The following KAT7 variants were observed in gnomAD, a reference collection of about 807,000 sequenced individuals.
KAT7 encodes the protein lysine acetyltransferase 7, also known as histone acetyltransferase KAT7.
In KAT7, 10 loss-of-function variants were observed where a neutral mutation model predicts 82.1. That is an observed-to-expected ratio of 0.12 (90% confidence interval 0.08 to 0.21). KAT7 has a LOEUF of 0.21. Among genes scored for constraint, KAT7 ranks in the 10% least tolerant of loss-of-function variants. The probability of loss-of-function intolerance (pLI) is 1.00; values close to 1 mark genes in which losing one functional copy is unlikely to be tolerated. For missense variants in KAT7, 378 were observed against 760.9 expected (o/e 0.50, Z 5.92); for synonymous variants, 250 against 262.5 (o/e 0.95, Z 0.46).
intron 9 of KAT7, among the ~76,000 whole-genome samples, chr17:49,820,072 T>C (rs2074282764): frequency 6.6e-6 from 1 of 152,070 alleles, no homozygotes; most frequent in South Asian, 2.1e-4. Context: ...CTGGGCAAAA[T>C]AGTGAGACTC....
chr17:49,790,531 A>C (rs1284041478), intron 1 of KAT7, among the ~76,000 whole-genome samples: 2 of 152,110 alleles, frequency 1.3e-5, no homozygotes, highest in Non-Finnish European at 2.9e-5. Flanking sequence ...CAAATGCAGG[A>C]ATAATATTGG....
chr17:49,808,076 T>C (rs1168749804), intron 5 of KAT7, among the ~76,000 whole-genome samples: 1 of 151,908 alleles, frequency 6.6e-6, no homozygotes, highest in Non-Finnish European at 1.5e-5. Context: ...TGAGGTCATG[T>C]AACTACAGAA....
At chr17:49,812,791 C>T (rs145619470) in intron 7 of KAT7, among the ~76,000 whole-genome samples, 3,021 of 152,116 alleles carry the variant, frequency 0.02, 103 homozygotes, top group African/African-American at 0.068. Context: ...GTAACCTCTG[C>T]CTCCTGGGTT....
rs1026399546 is a variant in KAT7, at chr17:49,808,253, G to A, written c.664-866G>A. On this transcript the variant is annotated intron_variant, in intron 5 of 14. Coordinates refer to ENST00000259021, the MANE Select transcript of KAT7 (RefSeq NM_007067.5). ...TCTCATGCCTCAGCCTCAAGTAGCT[G>A]GGATTACAGGTGTGCGCCACCACGC... 4.0e-5 allele frequency among the ~76,000 whole-genome samples: 6 copies of A among 150,008 alleles called. No individual in the cohort carries two copies. The Admixed American group carries it at 4.0e-4, about 10-fold the overall frequency.
In KAT7 at chr17:49,832,807, A is replaced by G. The variant is rs2074435035; in HGVS notation, c.*5305A>G. On this transcript the variant is annotated 3_prime_UTR_variant, in exon 15 of 15. Coordinates refer to ENST00000259021, the MANE Select transcript of KAT7 (RefSeq NM_007067.5). ...GTCATGAGAATAAAATATGAAAACT[A>G]CTTTGCTGAATGATAGTATGTGATG... 1 of 152,220 alleles carries G rather than the reference A, an allele frequency of 6.6e-6. No homozygotes were observed. The highest frequency in any genetic ancestry group is 1.5e-5 in the Non-Finnish European group (1 of 68,054). 9.4% of individuals were successfully genotyped at this position (152,220 alleles called of 1,614,324 possible).
intron 8 of KAT7, among the ~76,000 whole-genome samples, chr17:49,817,074 T>A (rs1162763050): frequency 3.3e-5 from 5 of 152,184 alleles, no homozygotes; most frequent in African/African-American, 1.2e-4. Flanking sequence ...AAGTGACCAT[T>A]GTGGATATAT....
Position 49,833,536 on chromosome 17 carries a change from G to C in KAT7, c.*6034G>C, listed in dbSNP as rs2074440622. The C allele has an allele frequency of 6.6e-6, 1 of 152,206 alleles. No homozygotes were observed. Among genetic ancestry groups the C allele is most frequent in the Non-Finnish European group, 1.5e-5 (1 of 68,046 alleles). The allele number at this position is 152,206 out of a possible 1,614,324, so 9.4% of individuals were successfully genotyped here. On this transcript the variant is annotated 3_prime_UTR_variant, in exon 15 of 15. Coordinates refer to ENST00000259021, the MANE Select transcript of KAT7 (RefSeq NM_007067.5). ...GTTTTGACTAATAGGATATGGAAGT[G>C]ATATTTTGGCAGCTTCCACTTTTGC...
At chr17:49,793,415 G>A (rs73987386) in intron 2 of KAT7, among the ~76,000 whole-genome samples, 69 of 152,272 alleles carry the variant, frequency 4.5e-4, no homozygotes, top group African/African-American at 1.6e-3. Flanking sequence ...GGTTAGATTT[G>A]GAGGGTACCC....
Position 49,830,672 on chromosome 17 carries a change from G to A in KAT7, c.*3170G>A. 1 of 152,184 alleles carries A rather than the reference G, an allele frequency of 6.6e-6. No individual in the cohort carries two copies. The highest frequency in any genetic ancestry group is 1.5e-5 in the Non-Finnish European group (1 of 68,060). 9.4% of individuals were successfully genotyped at this position (152,184 alleles called of 1,614,324 possible). A position where few individuals can be genotyped will look rare whatever the true frequency, so the allele number is the denominator to read the frequency against. ...TTGACCCTCATATTAGCCCTGTACAGTAGATGGGTACACTGGTTTGCCAAA... is the reference window on the plus strand; with the variant it reads ...TTGACCCTCATATTAGCCCTGTACAATAGATGGGTACACTGGTTTGCCAAA... On this transcript the variant is annotated 3_prime_UTR_variant, in exon 15 of 15. Coordinates refer to ENST00000259021, the MANE Select transcript of KAT7 (RefSeq NM_007067.5).
intron 4 of KAT7, among the ~76,000 whole-genome samples, chr17:49,804,742 C>T (rs1480493808): frequency 1.3e-5 from 2 of 152,160 alleles, no homozygotes; most frequent in African/African-American, 2.4e-5. Flanking sequence ...CACTGCATTC[C>T]AGCCTAGGTG....
chr17:49,811,737 A>G (rs959645125), intron 7 of KAT7, among the ~76,000 whole-genome samples, 163 bp downstream of exon 7: 1 of 152,162 alleles, frequency 6.6e-6, no homozygotes, highest in Non-Finnish European at 1.5e-5. Flanking sequence ...ATCCCCCAAA[A>G]CTGAATTGTT....
intron 5 of KAT7, among the ~76,000 whole-genome samples, chr17:49,806,381 G>A (rs2074092006): frequency 6.6e-6 from 1 of 152,154 alleles, no homozygotes; most frequent in African/African-American, 2.4e-5. Flanking sequence ...TGCTTATATG[G>A]ATTTTAAGGT....
In KAT7 at chr17:49,790,252, G is replaced by A. The variant is rs573061813; in HGVS notation, c.15+1403G>A. 2.0e-5 allele frequency among the ~76,000 whole-genome samples: 3 copies of A among 152,172 alleles called. No individual in the cohort carries two copies. In the South Asian group the frequency reaches 6.2e-4, roughly 32 times the overall value. ...GCTCTTGTTGCCCAGGTCGGAGTGCGATGGCGTGATGTTGGCTCACTGCAA... is the reference window on the plus strand; with the variant it reads ...GCTCTTGTTGCCCAGGTCGGAGTGCAATGGCGTGATGTTGGCTCACTGCAA... On this transcript the variant is annotated intron_variant, in intron 1 of 14. Coordinates refer to ENST00000259021, the MANE Select transcript of KAT7 (RefSeq NM_007067.5).
Position 49,834,718 on chromosome 17 carries a change from C to A in KAT7, c.*7216C>A, listed in dbSNP as rs2074449570. On this transcript the variant is annotated 3_prime_UTR_variant, in exon 15 of 15. Transcript: ENST00000259021. ...AATACCAAAGTATAGGCAAAAAGTTCTGTGGTCAAATAAATTTGGAAAACA... is the reference window on the plus strand; with the variant it reads ...AATACCAAAGTATAGGCAAAAAGTTATGTGGTCAAATAAATTTGGAAAACA... 1 of 152,172 alleles carries A rather than the reference C, an allele frequency of 6.6e-6. No individual in the cohort carries two copies. The highest frequency in any genetic ancestry group is 1.5e-5 in the Non-Finnish European group (1 of 68,040). The allele number at this position is 152,172 out of a possible 1,614,324, so 9.4% of individuals were successfully genotyped here.
rs1202977114 is a variant in KAT7, at chr17:49,833,865, A to G, written c.*6363A>G. On this transcript the variant is annotated 3_prime_UTR_variant, in exon 15 of 15. Transcript: ENST00000259021. ...ATACATGGCAATGGAGAAGTGAAAC[A>G]AGGGGACTTCGGAAACTAAAGGGCT... The G allele has an allele frequency of 2.0e-5, 3 of 152,234 alleles. No homozygotes were observed. The highest frequency in any genetic ancestry group is 4.4e-5 in the Non-Finnish European group (3 of 68,042). The allele number at this position is 152,234 out of a possible 1,614,324, so 9.4% of individuals were successfully genotyped here.
chr17:49,811,469 CT>C lies in KAT7; in HGVS notation c.754-3del. On this transcript the variant is annotated splice_polypyrimidine_tract_variant and splice_region_variant and intron_variant, in intron 6 of 14. Transcript: ENST00000259021. ...TTTTCTCTCAGTTTTCTCCTTTTTC[CT>C]TTTAGGCACCAACGGAGAGACAGCT... The C allele has an allele frequency of 7.0e-7, 1 of 1,423,600 alleles. No individual in the cohort carries two copies. Among genetic ancestry groups the C allele is most frequent in the Non-Finnish European group, 9.6e-7 (1 of 1,047,036 alleles). 88.2% of individuals were successfully genotyped at this position (1,423,600 alleles called of 1,614,324 possible).
intron 2 of KAT7, among the ~76,000 whole-genome samples, chr17:49,792,277 G>A (rs887057049): frequency 6.6e-6 from 1 of 152,174 alleles, no homozygotes; most frequent in Non-Finnish European, 1.5e-5. Context: ...AGAGACACAC[G>A]TATGTCTTGA....
At chr17:49,806,343 G>A (rs1254613743) in intron 5 of KAT7, among the ~76,000 whole-genome samples, 8 of 152,150 alleles carry the variant, frequency 5.3e-5, no homozygotes, top group Admixed American at 3.9e-4. Context: ...TGTGTGGTTA[G>A]TCTTTCAGCA....
intron 8 of KAT7, 72 bp from the exon 9 acceptor site, chr17:49,817,748 C>T: frequency 8.2e-7 from 1 of 1,224,290 alleles, no homozygotes; most frequent in South Asian, 1.4e-5. Flanking sequence ...ATTACAGGAG[C>T]CACTGTGCCC....
Sources: allele counts gnomAD v4.1 joint callset (sites outside exome capture counted in the v4.1 genomes callset), GRCh38; gene constraint gnomAD v4.1.1; transcripts MANE v1.5; gene names NCBI Gene and HGNC (gene_info 2026-07-23, HGNC 2026-07-21).